STIM1: variants seen among roughly 807,000 people sequenced by gnomAD.
STIM1 encodes the protein stromal interaction molecule 1.
Under a neutral mutation model 74.7 loss-of-function variants are expected in STIM1, and 25 were observed. The observed-to-expected ratio is 0.33, with a 90% CI of 0.24 to 0.47. The LOEUF (loss-of-function observed/expected upper bound fraction) is 0.47. Among genes scored for constraint, STIM1 ranks in the 20% least tolerant of loss-of-function variants. The pLI is 1.00. For missense variants in STIM1, 728 were observed against 920.8 expected (o/e 0.79, Z 2.71); for synonymous variants, 328 against 348.8 (o/e 0.94, Z 0.66).
intron 1 of STIM1, among the ~76,000 whole-genome samples, chr11:3,885,849 G>C (rs1467623652): frequency 6.6e-6 from 1 of 152,110 alleles, no homozygotes; most frequent in African/African-American, 2.4e-5. Context: ...TGTTGCCCAC[G>C]CTGGTGTCAA....
intron 3 of STIM1, among the ~76,000 whole-genome samples, chr11:4,027,313 T>A (rs2094005638): frequency 6.6e-6 from 1 of 152,100 alleles, no homozygotes; most frequent in Non-Finnish European, 1.5e-5. Flanking sequence ...TTCTTTTTTT[T>A]CTTTTTTCTT....
At chr11:4,044,145 G>C (rs2094172012) in intron 3 of STIM1, among the ~76,000 whole-genome samples, 1 of 152,180 alleles carries the variant, frequency 6.6e-6, no homozygotes, top group African/African-American at 2.4e-5. Flanking sequence ...TTTGCCCAGA[G>C]GTGTAGTCTT....
chr11:4,029,746 T>C (rs564354113), intron 3 of STIM1, among the ~76,000 whole-genome samples: 58 of 152,326 alleles, frequency 3.8e-4, no homozygotes, highest in Non-Finnish European at 6.3e-4. Context: ...TGAACTGAAG[T>C]AAGCAGGTAA....
chr11:3,896,643 G>C (rs567358256), intron 1 of STIM1, among the ~76,000 whole-genome samples: 2 of 152,344 alleles, frequency 1.3e-5, no homozygotes, highest in Admixed American at 6.5e-5. Flanking sequence ...CATAGGGATA[G>C]ATAGAGACAT....
At chr11:4,038,615 C>T (rs1396134845) in intron 3 of STIM1, among the ~76,000 whole-genome samples, 1 of 152,076 alleles carries the variant, frequency 6.6e-6, no homozygotes, top group Non-Finnish European at 1.5e-5. Context: ...ACCATTATTT[C>T]ATATATGTTG....
rs370473815 is a variant in STIM1 at position 3,931,228 on chromosome 11, A to T, written c.140-36324A>T. On this transcript the variant is annotated intron_variant, in intron 1 of 12. Transcript: ENST00000526596. The stretch of plus-strand genomic sequence containing the variant: ...AAATAAGTAAGGGTTAAGAAAGGTA[A>T]TGCTAGGCAGCTGGAAGAGTATGCA... 1.1e-4 allele frequency among the ~76,000 whole-genome samples: 16 copies of T among 152,302 alleles called. No homozygotes were observed. The East Asian group carries it at 2.7e-3, about 26-fold the overall frequency.
rs2094526958 is a variant in STIM1 at position 4,091,784 on chromosome 11, C to G, written c.2137C>G (p.Pro713Ala). Residue 713 changes from proline to alanine, a missense_variant, in exon 13 of 13, where the codon CCT (proline) becomes GCT (alanine). By Grantham distance (27) the Pro-to-Ala change is conservative. Transcript: ENST00000526596. ...GTTTCCCCTCAAAATCTTTAAGAAG[C>G]CTCTTAAGAAGTAGGCAGGATGGGG... ...KKFPLKIFKKPLKK is the reference protein window; with the variant it reads ...KKFPLKIFKKALKK The G allele has an allele frequency of 6.2e-7, 1 of 1,605,412 alleles. No homozygotes were observed. Among genetic ancestry groups the G allele is most frequent in the African/African-American group, 1.3e-5 (1 of 74,900 alleles).
At chr11:3,880,430 G>A (rs907115349) in intron 1 of STIM1, among the ~76,000 whole-genome samples, 13 of 152,144 alleles carry the variant, frequency 8.5e-5, no homozygotes, top group African/African-American at 3.1e-4. Context: ...AGTTTCCAGT[G>A]CCTTCTCAGG....
At chr11:3,916,961 C>T (rs1292772989) in intron 1 of STIM1, among the ~76,000 whole-genome samples, 1 of 152,198 alleles carries the variant, frequency 6.6e-6, no homozygotes, top group East Asian at 1.9e-4. Flanking sequence ...TGGCTGTTGG[C>T]TGAAGCTTCT....
intron 2 of STIM1, among the ~76,000 whole-genome samples, chr11:3,986,758 T>C (rs1264550227): frequency 6.6e-6 from 1 of 152,230 alleles, no homozygotes; most frequent in Non-Finnish European, 1.5e-5. Context: ...AGTTATTTCA[T>C]CTATGAGATA....
chr11:4,082,434 T>A, intron 8 of STIM1, 83 bp downstream of exon 8: 1 of 1,355,498 alleles, frequency 7.4e-7, no homozygotes, highest in Non-Finnish European at 1.0e-6. Context: ...TCTCTCCCTC[T>A]CCCTGTTCCT....
At chr11:4,057,306 C>CT (rs1240831470) in intron 4 of STIM1, among the ~76,000 whole-genome samples, 1 of 152,138 alleles carries the variant, frequency 6.6e-6, no homozygotes, top group Non-Finnish European at 1.5e-5. Flanking sequence ...GTTCACTTAG[C>CT]TTTTTTGTGG....
chr11:4,038,716 A>C (rs1251520695), intron 3 of STIM1, among the ~76,000 whole-genome samples: 1 of 152,146 alleles, frequency 6.6e-6, no homozygotes, highest in Non-Finnish European at 1.5e-5. Context: ...GTGTCAGCTG[A>C]ATCTTCTTTT....
At chr11:3,901,077 T>C (rs1243876084) in intron 1 of STIM1, among the ~76,000 whole-genome samples, 1 of 152,040 alleles carries the variant, frequency 6.6e-6, no homozygotes, top group Non-Finnish European at 1.5e-5. Context: ...TGTAGTCCCA[T>C]CTGCTCTGGA....
chr11:3,891,729 G>A (rs141965209), intron 1 of STIM1, among the ~76,000 whole-genome samples: 217 of 152,250 alleles, frequency 1.4e-3, no homozygotes, highest in African/African-American at 5.1e-3. Context: ...AATGCTTGAT[G>A]AATTTTTACC....
In STIM1 at chr11:3,902,275, C is replaced by G. The variant is rs139625948; in HGVS notation, c.139+45866C>G. Among the ~76,000 whole-genome samples the G allele has an allele frequency of 1.9e-4, 29 of 152,222 alleles. No homozygotes were observed. The East Asian group carries it at 5.4e-3, about 28-fold the overall frequency. ...CCTGGGATGGTGTGACTTAACTAAT[C>G]CCTAAAACTCTGTTTAAGTTTATAT... On this transcript the variant is annotated intron_variant, in intron 1 of 12. Transcript: ENST00000526596.
intron 3 of STIM1, among the ~76,000 whole-genome samples, chr11:4,048,069 T>G (rs1043989101): frequency 8.5e-5 from 13 of 152,286 alleles, no homozygotes; most frequent in African/African-American, 3.1e-4. Context: ...TCTGCCCACC[T>G]CAGCCTCCCA....
rs1275788792 is a variant in STIM1, at chr11:4,023,847, G to C, written c.271-26G>C. ...ACGGGCTGACTCCTAGGTATCTCTT[G>C]TGACTTGTGTACTTTTCCCTTGCAG... On this transcript the variant is annotated intron_variant, in intron 2 of 12. Transcript: ENST00000526596. 1.9e-6 allele frequency: 3 copies of C among 1,593,944 alleles called. No homozygotes were observed. In the African/African-American group the frequency reaches 4.0e-5, roughly 21 times the overall value.
chr11:3,913,618 A>G (rs2092598940), intron 1 of STIM1, among the ~76,000 whole-genome samples: 2 of 152,178 alleles, frequency 1.3e-5, no homozygotes, highest in Non-Finnish European at 1.5e-5. Context: ...GAACTCTCTC[A>G]TATACTTAAA....
Sources: allele counts gnomAD v4.1 joint callset (sites outside exome capture counted in the v4.1 genomes callset), GRCh38; gene constraint gnomAD v4.1.1; transcripts MANE v1.5; gene names NCBI Gene and HGNC (gene_info 2026-07-23, HGNC 2026-07-21).